TTC6: variants seen among roughly 807,000 people sequenced by gnomAD.
TTC6 encodes the protein tetratricopeptide repeat domain 6, also known as tetratricopeptide repeat protein 6.
Under a neutral mutation model 210.4 loss-of-function variants are expected in TTC6, and 172 were observed. The ratio of observed to expected loss-of-function variants is 0.82; its 90% CI spans 0.72 to 0.93. The LOEUF (loss-of-function observed/expected upper bound fraction) is 0.93, where lower values mean the gene tolerates loss of function less well. TTC6 is among the 40% of genes least tolerant of loss of function. TTC6 has a pLI of 0.00. For synonymous variants in TTC6, 804 were observed against 819.6 expected, an observed-to-expected ratio of 0.98 and a Z score of 0.32; for missense variants, 2,414 against 2,318.1, an observed-to-expected ratio of 1.04 and a Z score of -0.85.
intron 1 of TTC6, among the ~76,000 whole-genome samples, chr14:37,638,842 A>G (rs1349269536): frequency 6.6e-6 from 1 of 152,212 alleles, no homozygotes; most frequent in East Asian, 1.9e-4. Flanking sequence ...TAAAGATGTT[A>G]GGAGATTCTT....
intron 1 of TTC6, among the ~76,000 whole-genome samples, chr14:37,653,707 A>G (rs557763757): frequency 6.6e-6 from 1 of 152,168 alleles, no homozygotes; most frequent in East Asian, 1.9e-4. Context: ...TTATGATATG[A>G]CTTGTTTTGC....
intron 18 of TTC6, 111 bp from the exon 21 acceptor site, chr14:37,796,183 A>T: frequency 4.2e-6 from 2 of 477,352 alleles, no homozygotes; most frequent in Non-Finnish European, 3.8e-6. Flanking sequence ...TGCATACATA[A>T]GTAAATAAGA....
intron 1 of TTC6, among the ~76,000 whole-genome samples, chr14:37,605,675 C>G (rs939341302): frequency 5.3e-5 from 8 of 152,296 alleles, no homozygotes; most frequent in Non-Finnish European, 1.2e-4. Flanking sequence ...AGGAATGTCT[C>G]TGACCTCAAA....
intron 1 of TTC6, among the ~76,000 whole-genome samples, chr14:37,659,763 C>G (rs532252295): frequency 1.3e-5 from 2 of 152,142 alleles, no homozygotes; most frequent in African/African-American, 4.8e-5. Context: ...TCAGGTGATC[C>G]GCCCACCTTG....
intron 5 of TTC6, among the ~76,000 whole-genome samples, chr14:37,701,809 T>A (rs150920762): frequency 6.6e-6 from 1 of 152,272 alleles, no homozygotes; most frequent in East Asian, 1.9e-4. Context: ...AGCTCTGGAG[T>A]ACAGATGTGG....
upstream of TTC6, among the ~76,000 whole-genome samples, chr14:37,621,364 C>CT (rs2139293800): frequency 6.6e-6 from 1 of 152,290 alleles, no homozygotes; most frequent in Non-Finnish European, 1.5e-5. Flanking sequence ...AATTCCAACA[C>CT]TTTGGAAGGC....
chr14:37,836,100 A>G (rs2096197227), intron 29 of TTC6, among the ~76,000 whole-genome samples: 1 of 152,188 alleles, frequency 6.6e-6, no homozygotes. Context: ...TGATCTCTCC[A>G]TCCATTATCC....
intron 1 of TTC6, among the ~76,000 whole-genome samples, chr14:37,601,980 T>C (rs2139216462): frequency 6.6e-6 from 1 of 152,340 alleles, no homozygotes. Flanking sequence ...AAATAATATG[T>C]TTAAATTGGC....
intron 1 of TTC6, among the ~76,000 whole-genome samples, chr14:37,655,055 C>G (rs1419841588): frequency 6.6e-6 from 1 of 152,218 alleles, no homozygotes; most frequent in East Asian, 1.9e-4. Flanking sequence ...ATTTTGGCTG[C>G]TCTTCGCATG....
At chr14:37,722,499 C>G (rs908934573) in intron 6 of TTC6, among the ~76,000 whole-genome samples, 18 of 152,116 alleles carry the variant, frequency 1.2e-4, no homozygotes. Context: ...AGGCACATGC[C>G]ATTACACCTG....
intron 3 of TTC6, among the ~76,000 whole-genome samples, chr14:37,693,061 A>G (rs577151269): frequency 6.6e-5 from 10 of 152,064 alleles, no homozygotes; most frequent in Non-Finnish European, 1.5e-4. Flanking sequence ...ATCAGACAAC[A>G]GGAAGAAATA....
At chr14:37,639,907 G>T (rs907659894) in intron 1 of TTC6, among the ~76,000 whole-genome samples, 3 of 140,018 alleles carry the variant, frequency 2.1e-5, no homozygotes, top group Non-Finnish European at 4.7e-5. Context: ...AAAAAGGAAA[G>T]AAAAATAAGA....
intron 29 of TTC6, among the ~76,000 whole-genome samples, chr14:37,839,007 T>C (rs2096204175): frequency 6.6e-6 from 1 of 152,246 alleles, no homozygotes; most frequent in South Asian, 2.1e-4. Context: ...GGCTGCATAG[T>C]ATTCCATGGT....
intron 1 of TTC6, among the ~76,000 whole-genome samples, chr14:37,660,489 T>C (rs577805638): frequency 1.3e-5 from 2 of 152,170 alleles, no homozygotes; most frequent in African/African-American, 4.8e-5. Context: ...GTATATTTGG[T>C]TTTCTATTAC....
At chr14:37,744,168 A>T (rs2095929094) in intron 10 of TTC6, among the ~76,000 whole-genome samples, 1 of 152,182 alleles carries the variant, frequency 6.6e-6, no homozygotes, top group South Asian at 2.1e-4. Context: ...TGATGAATGA[A>T]TGAGTTCAGC....
At chr14:37,662,867 TG>T (rs1490641710) in intron 1 of TTC6, among the ~76,000 whole-genome samples, 3 of 152,158 alleles carry the variant, frequency 2.0e-5, no homozygotes, top group African/African-American at 4.8e-5. Context: ...CTTGGCTATT[TG>T]GGCTCTTTTT....
At chr14:37,791,895 C>T (rs2096080453) in intron 16 of TTC6, among the ~76,000 whole-genome samples, 1 of 152,132 alleles carries the variant, frequency 6.6e-6, no homozygotes. Flanking sequence ...CTGTTTCTCA[C>T]TGTCACTCGT....
chr14:37,769,242 A>G (rs1376524892), intron 14 of TTC6, among the ~76,000 whole-genome samples: 3 of 151,794 alleles, frequency 2.0e-5, no homozygotes. Flanking sequence ...ATGTTCATCA[A>G]GGATATTGGT....
chr14:37,651,386 G>GTT (rs2095710839), intron 1 of TTC6, among the ~76,000 whole-genome samples: 1 of 32,754 alleles, frequency 3.1e-5, no homozygotes, highest in Admixed American at 4.7e-4. Context: ...CACTGTTTAT[G>GTT]TTATATATAT....
Sources: gnomAD v4.1 joint callset for allele counts (sites outside exome capture counted in the v4.1 genomes callset) on GRCh38, gnomAD v4.1.1 for gene constraint, MANE v1.5 for transcripts, NCBI Gene and HGNC (gene_info 2026-07-23, HGNC 2026-07-21) for gene names.